CCDC171: variants seen among roughly 807,000 people sequenced by gnomAD.
The protein encoded by CCDC171 is coiled-coil domain containing 171.
A neutral mutation model predicts 168.2 loss-of-function variants in CCDC171; 177 were observed. The observed-to-expected ratio is 1.05, with a 90% confidence interval of 0.93 to 1.19. CCDC171 has a LOEUF of 1.19. Among genes scored for constraint, CCDC171 ranks in the 50% most tolerant of loss-of-function variants. The pLI, the probability that CCDC171 is intolerant of heterozygous loss-of-function variation, is 0.00. For synonymous variants in CCDC171, 687 were observed against 540.8 expected (o/e 1.27, Z -3.75); for missense variants, 1,991 against 1,539.0 (o/e 1.29, Z -4.91).
At chr9:15,990,657 C>T (rs1832160740) in intron 3 of CCDC171, among the ~76,000 whole-genome samples, 1 of 152,194 alleles carries the variant, frequency 6.6e-6, no homozygotes, top group African/African-American at 2.4e-5. Context: ...CAAGACCCAT[C>T]AGTGTGCTGT....
intron 25 of CCDC171, among the ~76,000 whole-genome samples, chr9:15,969,823 A>C (rs773365459): frequency 6.6e-6 from 1 of 152,182 alleles, no homozygotes; most frequent in Non-Finnish European, 1.5e-5. Context: ...CAGTAATGAC[A>C]CTGCTAAAAA....
intron 23 of CCDC171, among the ~76,000 whole-genome samples, chr9:15,849,961 A>G (rs1254178429): frequency 1.3e-5 from 2 of 151,890 alleles, no homozygotes; most frequent in Non-Finnish European, 2.9e-5. Context: ...AAAAAAAATA[A>G]TCTGAGTGCT....
intron 11 of CCDC171, among the ~76,000 whole-genome samples, chr9:15,703,094 C>T (rs1032288546): frequency 2.6e-5 from 4 of 151,984 alleles, no homozygotes; most frequent in Admixed American, 6.6e-5. Context: ...TTAGTAGAGA[C>T]GGGGTTTCAC....
chr9:15,678,427 C>T (rs1297911030), intron 9 of CCDC171, among the ~76,000 whole-genome samples: 1 of 152,056 alleles, frequency 6.6e-6, no homozygotes, highest in South Asian at 2.1e-4. Context: ...TTTTCTCAGT[C>T]TTGAGATAGT....
At chr9:15,780,664 C>G (rs578172485) in intron 20 of CCDC171, among the ~76,000 whole-genome samples, 1 of 152,232 alleles carries the variant, frequency 6.6e-6, no homozygotes, top group Admixed American at 6.5e-5. Context: ...CCTTTATGCA[C>G]AGTTGTAGTT....
At chr9:16,070,386 CAT>C in the CCDC171 span, among the ~76,000 whole-genome samples, 1 of 152,172 alleles carries the variant, frequency 6.6e-6, no homozygotes, top group Admixed American at 6.5e-5. Context: ...AGGAAGGAAT[CAT>C]ATGATGTGTG....
At chr9:15,701,662 C>G (rs2051756375) in intron 11 of CCDC171, among the ~76,000 whole-genome samples, 1 of 151,508 alleles carries the variant, frequency 6.6e-6, no homozygotes, top group Non-Finnish European at 1.5e-5. Flanking sequence ...TCACTGCAAC[C>G]TCCGCCTCTC....
chr9:15,879,422 T>C (rs184869445), intron 24 of CCDC171, among the ~76,000 whole-genome samples: 120 of 152,314 alleles, frequency 7.9e-4, no homozygotes, highest in African/African-American at 2.7e-3. Flanking sequence ...CCTCGAATGC[T>C]TTTCTTTATG....
At chr9:15,594,296 C>T (rs2042187580) in intron 6 of CCDC171, 124 bp downstream of exon 6, 1 of 599,358 alleles carries the variant, frequency 1.7e-6, no homozygotes, top group Non-Finnish European at 2.8e-6. Flanking sequence ...TTCTGGAAGG[C>T]CACATTTCAT....
intron 4 of CCDC171, among the ~76,000 whole-genome samples, chr9:15,581,662 C>G (rs947573148): frequency 6.6e-6 from 1 of 151,948 alleles, no homozygotes; most frequent in African/African-American, 2.4e-5. Flanking sequence ...ACAAACCTGA[C>G]AAAAACAAGC....
the CCDC171 span, among the ~76,000 whole-genome samples, chr9:16,071,597 G>A: frequency 1.3e-5 from 2 of 152,206 alleles, no homozygotes; most frequent in African/African-American, 2.4e-5. Context: ...ACAAGCACAC[G>A]AGCACAGCTG....
intron 7 of CCDC171, among the ~76,000 whole-genome samples, chr9:15,627,576 C>G (rs181528107): frequency 1.3e-5 from 2 of 152,136 alleles, no homozygotes; most frequent in South Asian, 4.2e-4. Context: ...TCGTTATGTA[C>G]CCAGTAGTCA....
chr9:15,905,969 C>G (rs1473201970), intron 24 of CCDC171, among the ~76,000 whole-genome samples: 2 of 152,144 alleles, frequency 1.3e-5, no homozygotes, highest in Non-Finnish European at 2.9e-5. Flanking sequence ...CAAGACTAAA[C>G]CAGGAAGAAG....
At chr9:15,618,954 C>T (rs995752451) in intron 6 of CCDC171, among the ~76,000 whole-genome samples, 2 of 152,082 alleles carry the variant, frequency 1.3e-5, no homozygotes, top group Non-Finnish European at 2.9e-5. Context: ...TTCTATTTGG[C>T]CATCGTGGCC....
chr9:15,984,800 C>G (rs1299480311), intron 3 of CCDC171, among the ~76,000 whole-genome samples: 2 of 152,078 alleles, frequency 1.3e-5, no homozygotes, highest in South Asian at 2.1e-4. Context: ...GAAACTAAGT[C>G]TCACAACAGA....
At chr9:15,589,076 T>C (rs2041803893) in intron 4 of CCDC171, among the ~76,000 whole-genome samples, 2 of 151,748 alleles carry the variant, frequency 1.3e-5, no homozygotes, top group African/African-American at 4.8e-5. Flanking sequence ...GGAAGGGACA[T>C]GTGTTACTAC....
intron 1 of CCDC171, chr9:15,553,693 T>G (rs1211640577): frequency 6.6e-6 from 1 of 152,168 alleles, no homozygotes; most frequent in East Asian, 1.9e-4. Context: ...TCTACAGATG[T>G]TTGATAAACG....
chr9:16,068,277 A>G, the CCDC171 span, among the ~76,000 whole-genome samples: 1 of 151,840 alleles, frequency 6.6e-6, no homozygotes, highest in East Asian at 1.9e-4. Flanking sequence ...TTCAAGGAGA[A>G]CTACAAACCA....
intron 4 of CCDC171, among the ~76,000 whole-genome samples, chr9:15,590,704 C>G (rs1419393368): frequency 6.6e-6 from 1 of 152,138 alleles, no homozygotes; most frequent in Non-Finnish European, 1.5e-5. Flanking sequence ...TTGTAATCTA[C>G]TCTTTTTAAA....
Sources: allele counts gnomAD v4.1 joint callset (sites outside exome capture counted in the v4.1 genomes callset), GRCh38; gene constraint gnomAD v4.1.1; transcripts MANE v1.5; gene names NCBI Gene and HGNC (gene_info 2026-07-23, HGNC 2026-07-21).